The following RAD52 variants were observed in gnomAD, a reference collection of about 807,000 sequenced individuals.
The protein encoded by RAD52 is DNA repair protein RAD52 homolog.
In RAD52, 47 loss-of-function variants were observed where a neutral mutation model predicts 55.5. The ratio of observed to expected loss-of-function variants is 0.85; its 90% CI spans 0.67 to 1.08. The LOEUF (loss-of-function observed/expected upper bound fraction) is 1.08, where lower values mean the gene tolerates loss of function less well. Ranked by LOEUF, RAD52 falls within the 50% of genes least tolerant of loss-of-function variation. RAD52 has a pLI of 0.00. For missense variants in RAD52, 468 were observed against 522.8 expected, an observed-to-expected ratio of 0.90 and a Z score of 1.02; for synonymous variants, 184 against 198.9, an observed-to-expected ratio of 0.92 and a Z score of 0.63.
At chr12:931,012 C>T (rs1022081681) in intron 3 of RAD52, among the ~76,000 whole-genome samples, 2 of 151,644 alleles carry the variant, frequency 1.3e-5, no homozygotes, top group African/African-American at 4.8e-5. Flanking sequence ...AATCTTAAGA[C>T]GGCGGTTATG....
In RAD52 at chr12:913,791, G is replaced by A. The variant is rs190492455; in HGVS notation, c.1195+103C>T. On this transcript the variant is annotated intron_variant, in intron 11 of 11. Coordinates refer to ENST00000358495, the MANE Select transcript of RAD52 (RefSeq NM_134424.4). ...GTACCATTCCCTAATAGAAGTTCCC[G>A]ATTCTATCAAACTTTAAATGAAATG... 6.4e-4 allele frequency: 705 copies of A among 1,097,322 alleles called. 2 individuals carry two copies. Among genetic ancestry groups the A allele is most frequent in the African/African-American group, 1.8e-3 (116 of 63,836 alleles). The allele number at this position is 1,097,322 out of a possible 1,614,324, so 68.0% of individuals were successfully genotyped here. A position where few individuals can be genotyped will look rare whatever the true frequency, so the allele number is the denominator to read the frequency against.
At chr12:926,249 T>C (rs1957028495) in intron 6 of RAD52, among the ~76,000 whole-genome samples, 1 of 151,952 alleles carries the variant, frequency 6.6e-6, no homozygotes. Flanking sequence ...TCCCGGCACT[T>C]TGGGAGGCAC....
At chr12:984,012 T>C (rs1264311188) in intron 1 of RAD52, among the ~76,000 whole-genome samples, 1 of 152,216 alleles carries the variant, frequency 6.6e-6, no homozygotes, top group East Asian at 1.9e-4. Flanking sequence ...AACACTTTAC[T>C]ATTTTAACTA....
intron 2 of RAD52, among the ~76,000 whole-genome samples, chr12:932,236 T>G (rs1957359716): frequency 6.6e-6 from 1 of 152,066 alleles, no homozygotes; most frequent in Admixed American, 6.5e-5. Context: ...GGCTCACGCC[T>G]GTAATCCAAA....
intron 1 of RAD52, among the ~76,000 whole-genome samples, chr12:955,948 T>A (rs965542777): frequency 1.0e-4 from 1 of 9,774 alleles, no homozygotes; most frequent in African/African-American, 2.1e-4. Context: ...GCCCGGCTAA[T>A]TTTTGCATTT....
At chr12:926,288 G>A (rs1397584974) in intron 6 of RAD52, among the ~76,000 whole-genome samples, 1 of 151,324 alleles carries the variant, frequency 6.6e-6, no homozygotes, top group African/African-American at 2.4e-5. Flanking sequence ...GAGCCCAGGA[G>A]TTTGAGACCA....
intron 7 of RAD52, among the ~76,000 whole-genome samples, chr12:921,165 A>T (rs1672869355): frequency 6.7e-6 from 1 of 149,900 alleles, no homozygotes; most frequent in African/African-American, 2.4e-5. Flanking sequence ...ACACATAGTT[A>T]AAAAAAAAAG....
chr12:975,912 T>C (rs1438027989), intron 1 of RAD52: 1 of 152,258 alleles, frequency 6.6e-6, no homozygotes, highest in East Asian at 1.9e-4. Context: ...TGCTGGTTCT[T>C]TCTCTCACTG....
intron 1 of RAD52, among the ~76,000 whole-genome samples, chr12:970,318 CAA>C (rs4017793): frequency 3.4e-4 from 23 of 67,180 alleles, no homozygotes; most frequent in African/African-American, 8.6e-4. Context: ...GACATCATCT[CAA>C]AAAAAAAAAA....
chr12:965,635 T>C (rs1958750255), intron 1 of RAD52, among the ~76,000 whole-genome samples: 1 of 152,046 alleles, frequency 6.6e-6, no homozygotes, highest in African/African-American at 2.4e-5. Flanking sequence ...GACTATGTTC[T>C]GGCCAATAAG....
intron 1 of RAD52, among the ~76,000 whole-genome samples, chr12:958,602 G>C (rs1293671599): frequency 2.0e-5 from 3 of 152,332 alleles, no homozygotes; most frequent in East Asian, 3.9e-4. Context: ...TGTGAAAGAA[G>C]AACATGCAGA....
intron 7 of RAD52, among the ~76,000 whole-genome samples, chr12:922,000 G>A (rs1038066968): frequency 4.0e-5 from 6 of 151,812 alleles, no homozygotes; most frequent in Admixed American, 2.6e-4. Context: ...CAGCTACTTG[G>A]GAGGCTGAGA....
Position 926,663 on chromosome 12 carries a change from C to CAGTCCACAG in RAD52, c.467+473_467+481dup, listed in dbSNP as rs1373249813. ...GGATGCTGGCACCAGGCTTCCAGTA[C>CAGTCCACAG]AGTCCACAGAATCATAAGCCAATCA... is the stretch of plus-strand genomic sequence containing the variant. On this transcript the variant is annotated intron_variant, in intron 6 of 11. Coordinates refer to ENST00000358495, the MANE Select transcript of RAD52 (RefSeq NM_134424.4). 1.1e-5 allele frequency: 11 copies of CAGTCCACAG among 983,770 alleles called. No homozygotes were observed. In the African/African-American group the frequency reaches 1.8e-4, roughly 16 times the overall value. 60.9% of individuals were successfully genotyped at this position (983,770 alleles called of 1,614,324 possible). A position where few individuals can be genotyped will look rare whatever the true frequency, so the allele number is the denominator to read the frequency against.
chr12:915,555 C>A (rs1475442839), intron 9 of RAD52, among the ~76,000 whole-genome samples: 1 of 152,130 alleles, frequency 6.6e-6, no homozygotes, highest in Non-Finnish European at 1.5e-5. Context: ...GGTGGGGAGA[C>A]AGAGAAGAAA....
chr12:981,344 A>C lies in RAD52; in HGVS notation c.-19+8465T>G, dbSNP rs1464096662. Reference sequence around the variant, plus strand: ...TGCAACCCTATCTCAAAACAACAACAACCACAACCACCACCACAACAATAA... The same window carrying C: ...TGCAACCCTATCTCAAAACAACAACCACCACAACCACCACCACAACAATAA... On this transcript the variant is annotated intron_variant, in intron 1 of 11. Transcript: ENST00000430095. 7.2e-5 allele frequency among the ~76,000 whole-genome samples: 11 copies of C among 151,958 alleles called. No homozygotes were observed. In the East Asian group the frequency reaches 1.2e-3, roughly 16 times the overall value.
intron 1 of RAD52, among the ~76,000 whole-genome samples, chr12:970,648 A>G (rs538628105): frequency 2.4e-4 from 37 of 152,296 alleles, no homozygotes; most frequent in African/African-American, 7.9e-4. Flanking sequence ...GGACAGTGAA[A>G]CATTGATTTA....
intron 2 of RAD52, 146 bp from the exon 3 acceptor site, chr12:931,467 A>G (rs1330304330): frequency 1.8e-6 from 1 of 544,880 alleles, no homozygotes. Flanking sequence ...ATTAGGAATC[A>G]AAACTGAGAA....
chr12:942,038 C>T (rs1427578577), intron 1 of RAD52, among the ~76,000 whole-genome samples: 1 of 152,158 alleles, frequency 6.6e-6, no homozygotes, highest in Non-Finnish European at 1.5e-5. Flanking sequence ...CCAAATTGAT[C>T]CATAGATTCA....
intron 9 of RAD52, among the ~76,000 whole-genome samples, chr12:914,899 T>C (rs1445776073): frequency 6.6e-6 from 1 of 152,192 alleles, no homozygotes; most frequent in African/African-American, 2.4e-5. Context: ...GGCTCACACC[T>C]GTAACCCCAG....
Sources: allele counts gnomAD v4.1 joint callset (sites outside exome capture counted in the v4.1 genomes callset), GRCh38; gene constraint gnomAD v4.1.1; transcripts MANE v1.5; gene names NCBI Gene and HGNC (gene_info 2026-07-23, HGNC 2026-07-21).